The following STXBP4 variants were observed in gnomAD, a reference collection of about 807,000 sequenced individuals.
The protein encoded by STXBP4 is syntaxin binding protein 4.
Under a neutral mutation model 76.1 loss-of-function variants are expected in STXBP4, and 55 were observed. That is an observed-to-expected ratio of 0.72 (90% confidence interval 0.58 to 0.91). The LOEUF (loss-of-function observed/expected upper bound fraction) is 0.91. STXBP4 is among the 40% of genes least tolerant of loss of function. The pLI is 0.00. For missense variants in STXBP4, 618 were observed against 636.9 expected (o/e 0.97, Z 0.32); for synonymous variants, 201 against 220.2 (o/e 0.91, Z 0.77).
chr17:54,971,356 A>T (rs1436808132), intron 1 of STXBP4, among the ~76,000 whole-genome samples: 3 of 152,228 alleles, frequency 2.0e-5, no homozygotes, highest in Non-Finnish European at 4.4e-5. Flanking sequence ...AAGGCTGGAA[A>T]GTCAAAGATC....
intron 12 of STXBP4, 42 bp downstream of exon 12, chr17:55,047,196 G>GTA (rs1338345210): frequency 9.9e-7 from 1 of 1,010,654 alleles, no homozygotes; most frequent in Non-Finnish European, 1.5e-6. Flanking sequence ...GTGTGTGTGT[G>GTA]TGTGTGTGTG....
intron 16 of STXBP4, among the ~76,000 whole-genome samples, chr17:55,136,093 G>T (rs1027757446): frequency 9.9e-5 from 15 of 152,114 alleles, no homozygotes; most frequent in African/African-American, 3.1e-4. Flanking sequence ...ATCTCAAATT[G>T]TTGTGATGTA....
At chr17:55,154,512 G>A (rs935854459) in intron 17 of STXBP4, among the ~76,000 whole-genome samples, 1 of 152,106 alleles carries the variant, frequency 6.6e-6, no homozygotes, top group Non-Finnish European at 1.5e-5. Flanking sequence ...AGTGTCAGTA[G>A]GACATGTTCT....
chr17:55,213,185 A>G, the STXBP4 span, among the ~76,000 whole-genome samples: 3 of 152,164 alleles, frequency 2.0e-5, no homozygotes, highest in Non-Finnish European at 4.4e-5. Flanking sequence ...TCCTGGGACC[A>G]GGTAAGAACC....
chr17:55,097,981 C>T (rs1354538144), intron 16 of STXBP4, among the ~76,000 whole-genome samples: 5 of 152,150 alleles, frequency 3.3e-5, no homozygotes, highest in Non-Finnish European at 4.4e-5. Context: ...TGGCTCACAT[C>T]TGGTAGGTAC....
chr17:54,986,292 G>C, intron 3 of STXBP4, 26 bp downstream of exon 3: 1 of 1,508,874 alleles, frequency 6.6e-7, no homozygotes, highest in Non-Finnish European at 9.1e-7. Flanking sequence ...AATATGTTTT[G>C]AAATATAGTT....
At chr17:55,027,062 A>G (rs1169277277) in intron 8 of STXBP4, among the ~76,000 whole-genome samples, 1 of 152,110 alleles carries the variant, frequency 6.6e-6, no homozygotes, top group African/African-American at 2.4e-5. Flanking sequence ...AGTGCATGGG[A>G]GCTAGATGAG....
chr17:55,191,800 A>G, the STXBP4 span, among the ~76,000 whole-genome samples: 1 of 152,194 alleles, frequency 6.6e-6, no homozygotes, highest in Non-Finnish European at 1.5e-5. Context: ...CTGCTCAGAG[A>G]TAGTGCAGAT....
chr17:55,185,244 T>C, the STXBP4 span, among the ~76,000 whole-genome samples: 1 of 51,972 alleles, frequency 1.9e-5, no homozygotes, highest in Non-Finnish European at 3.8e-5. Context: ...CTTCTTCTTC[T>C]TCTTCTCCTT....
the STXBP4 span, among the ~76,000 whole-genome samples, chr17:55,206,982 C>A: frequency 6.6e-6 from 1 of 151,818 alleles, no homozygotes; most frequent in Admixed American, 6.6e-5. Context: ...TTCATGGAAA[C>A]CTTTATGGGA....
At chr17:55,066,236 T>C (rs1409743698) in intron 12 of STXBP4, among the ~76,000 whole-genome samples, 5 of 152,046 alleles carry the variant, frequency 3.3e-5, no homozygotes, top group Admixed American at 3.3e-4. Flanking sequence ...TTGTTTTGTT[T>C]TGTTTGAGAC....
intron 8 of STXBP4, chr17:55,030,884 T>C (rs2078495518): frequency 4.1e-6 from 1 of 246,568 alleles, no homozygotes; most frequent in African/African-American, 2.2e-5. Context: ...ATGTGCCAAA[T>C]CATATAAACT....
chr17:55,207,804 G>T, the STXBP4 span, among the ~76,000 whole-genome samples: 2 of 152,186 alleles, frequency 1.3e-5, no homozygotes, highest in Non-Finnish European at 2.9e-5. Flanking sequence ...GTGCGCACGT[G>T]TGCAAACACA....
At chr17:55,004,780 G>A (rs2077978255) in intron 7 of STXBP4, among the ~76,000 whole-genome samples, 1 of 151,900 alleles carries the variant, frequency 6.6e-6, no homozygotes. Context: ...GAGGGAGAAG[G>A]AGAAGGAAAA....
chr17:55,008,969 A>G (rs1433859769), intron 8 of STXBP4, among the ~76,000 whole-genome samples: 1 of 152,214 alleles, frequency 6.6e-6, no homozygotes, highest in Non-Finnish European at 1.5e-5. Flanking sequence ...GCTAACTATT[A>G]TAGTTCGGAC....
chr17:55,066,548 A>G (rs538496398), intron 12 of STXBP4, among the ~76,000 whole-genome samples: 1 of 152,202 alleles, frequency 6.6e-6, no homozygotes, highest in African/African-American at 2.4e-5. Flanking sequence ...TTAAGGAAAT[A>G]TAAATTAATG....
intron 12 of STXBP4, 63 bp downstream of exon 12, chr17:55,047,217 T>TGA (rs746980353): frequency 1.1e-6 from 1 of 900,590 alleles, no homozygotes; most frequent in Non-Finnish European, 1.7e-6. Context: ...TGTGTGTGTG[T>TGA]GAACATATGA....
At position 55,078,116 on chromosome 17, in the gene STXBP4, C is replaced by G; in HGVS notation, c.1227C>G (p.Leu409=). ...VQDLKKRIMV[L]DCQLRKSEMA... ...ATTTAAAAAAGAGAATCATGGTACT[C>G]GACTGCCAATTACGAAAATCAGAAA... Residue 409 remains leucine (L), a synonymous_variant, in exon 14 of 18, where the codon CTC becomes CTG. Coordinates refer to ENST00000376352, the MANE Select transcript of STXBP4 (RefSeq NM_178509.6). 1 of 1,611,470 alleles carries G rather than the reference C, an allele frequency of 6.2e-7. No individual in the cohort carries two copies.
At chr17:55,044,331 G>T (rs940357236) in intron 11 of STXBP4, 3 of 151,556 alleles carry the variant, frequency 2.0e-5, no homozygotes, top group African/African-American at 7.2e-5. Context: ...ATTAAATAAG[G>T]TATAGTATAT....
Sources: gnomAD v4.1 joint callset for allele counts (sites outside exome capture counted in the v4.1 genomes callset) on GRCh38, gnomAD v4.1.1 for gene constraint, MANE v1.5 for transcripts, NCBI Gene and HGNC (gene_info 2026-07-23, HGNC 2026-07-21) for gene names.